Variants in AUH observed in about 807,000 individuals in gnomAD.
AUH encodes methylglutaconyl-CoA hydratase, mitochondrial.
AUH carries 29 observed loss-of-function variants against 42.3 expected under a neutral mutation model. That is an observed-to-expected ratio of 0.69 (90% CI 0.51 to 0.93). The LOEUF (loss-of-function observed/expected upper bound fraction) is 0.93. AUH is among the 40% of genes least tolerant of loss of function. The probability of loss-of-function intolerance (pLI) is 0.00; values close to 1 mark genes in which losing one functional copy is unlikely to be tolerated. For missense variants in AUH, 452 were observed against 438.1 expected (o/e 1.03, Z -0.28); for synonymous variants, 174 against 166.4 (o/e 1.05, Z -0.35).
intron 3 of AUH, among the ~76,000 whole-genome samples, chr9:91,348,754 G>A (rs1831726660): frequency 6.6e-6 from 1 of 152,152 alleles, no homozygotes; most frequent in Non-Finnish European, 1.5e-5. Context: ...GGCAAGGGAA[G>A]GGGCTTGACT....
In AUH at chr9:91,313,573, C is replaced by T. The variant is rs373027108; in HGVS notation, c.505+11745G>A. ...ACAAAAAATTAGCCGGGCGCGGTGG[C>T]GGGCGCCTGTAGTCCCAGCTACTTG... On this transcript the variant is annotated intron_variant, in intron 4 of 9. Transcript: ENST00000375731. Among the ~76,000 whole-genome samples, 108 of 151,706 alleles carry T rather than the reference C, an allele frequency of 7.1e-4. 1 individual carries two copies. The highest frequency in any genetic ancestry group is 2.1e-3 in the African/African-American group (87 of 41,442).
At chr9:91,294,005 G>A (rs373481707) in intron 6 of AUH, among the ~76,000 whole-genome samples, 1 of 152,146 alleles carries the variant, frequency 6.6e-6, no homozygotes, top group Non-Finnish European at 1.5e-5. Context: ...TTTATAAATG[G>A]AACAAATAAA....
intron 6 of AUH, among the ~76,000 whole-genome samples, chr9:91,283,790 C>A (rs1826173166): frequency 6.6e-6 from 1 of 152,152 alleles, no homozygotes; most frequent in South Asian, 2.1e-4. Flanking sequence ...GAACTACAAA[C>A]CACTGCTCAA....
intron 6 of AUH, among the ~76,000 whole-genome samples, chr9:91,249,725 G>T (rs1829017871): frequency 1.3e-5 from 2 of 152,058 alleles, no homozygotes; most frequent in Admixed American, 1.3e-4. Context: ...TAAATCAGGG[G>T]TTCTGGCCGG....
chr9:91,350,437 C>A (rs1480150736), intron 3 of AUH, among the ~76,000 whole-genome samples: 1 of 152,188 alleles, frequency 6.6e-6, no homozygotes, highest in Non-Finnish European at 1.5e-5. Flanking sequence ...TCTATAGGAA[C>A]TCTTTTAGTC....
intron 6 of AUH, among the ~76,000 whole-genome samples, chr9:91,270,608 CA>C (rs1825043094): frequency 6.6e-6 from 1 of 151,896 alleles, no homozygotes; most frequent in African/African-American, 2.4e-5. Flanking sequence ...CCTTGTAGAG[CA>C]AAAAGGGAAT....
At chr9:91,282,253 C>T (rs959956271) in intron 6 of AUH, among the ~76,000 whole-genome samples, 1 of 152,152 alleles carries the variant, frequency 6.6e-6, no homozygotes, top group Non-Finnish European at 1.5e-5. Context: ...GTCTTTATTT[C>T]AATGTTACCT....
intron 6 of AUH, among the ~76,000 whole-genome samples, chr9:91,234,608 G>A (rs1290890904): frequency 1.3e-5 from 2 of 151,656 alleles, no homozygotes; most frequent in Admixed American, 6.6e-5. Context: ...GAGTTTATCC[G>A]TTTTACTTTT....
intron 6 of AUH, among the ~76,000 whole-genome samples, chr9:91,272,818 T>C (rs1015074020): frequency 5.3e-5 from 8 of 152,122 alleles, no homozygotes; most frequent in Non-Finnish European, 1.2e-4. Context: ...TGAATATATT[T>C]CACAAACTTA....
At chr9:91,357,475 A>C in intron 1 of AUH, 1 of 965,296 alleles carries the variant, frequency 1.0e-6, no homozygotes, top group Non-Finnish European at 1.2e-6. Flanking sequence ...AAACATACTG[A>C]GTACGTACTA....
chr9:91,360,119 CCAGA>C, intron 1 of AUH, among the ~76,000 whole-genome samples: 1 of 152,106 alleles, frequency 6.6e-6, no homozygotes, highest in Admixed American at 6.5e-5. Context: ...TAAAGTCTGT[CCAGA>C]CATTCTGCAC....
intron 6 of AUH, among the ~76,000 whole-genome samples, chr9:91,237,544 T>C (rs933878331): frequency 6.6e-6 from 1 of 152,210 alleles, no homozygotes; most frequent in African/African-American, 2.4e-5. Flanking sequence ...TACAAGGTGG[T>C]TCCCTAGTAT....
intron 1 of AUH, among the ~76,000 whole-genome samples, chr9:91,356,375 T>G (rs567263932): frequency 1.3e-5 from 2 of 152,214 alleles, no homozygotes; most frequent in Non-Finnish European, 2.9e-5. Context: ...CTAGACTTAT[T>G]AGTGAAAATT....
At chr9:91,344,008 G>A (rs187466861) in intron 3 of AUH, among the ~76,000 whole-genome samples, 132 of 152,306 alleles carry the variant, frequency 8.7e-4, no homozygotes, top group African/African-American at 2.9e-3. Context: ...TTCAGGCCAT[G>A]ATGGAAAGTG....
chr9:91,306,535 G>C (rs990955178), intron 4 of AUH: 1 of 209,012 alleles, frequency 4.8e-6, no homozygotes, highest in African/African-American at 2.4e-5. Context: ...CTGTAACCTT[G>C]TTATTTAGAG....
At chr9:91,223,584 T>G (rs1827259663) in intron 6 of AUH, among the ~76,000 whole-genome samples, 1 of 152,254 alleles carries the variant, frequency 6.6e-6, no homozygotes, top group Non-Finnish European at 1.5e-5. Flanking sequence ...TTTCAATATA[T>G]ACAGCGTGGG....
rs1259184310 is a variant in AUH, at chr9:91,216,105, A to C, written c.896T>G (p.Val299Gly). ...TATGGCTAACCCTGTTACTAAATCG[A>C]CCTGAGAATAAAAACATAATCCATT... ...AKLAINQGME[V>G]DLVTGLAIEE... Residue 299 changes from valine (V) to glycine (G), a missense_variant and splice_region_variant, in exon 9 of 10, where the codon GTC becomes GGC. By Grantham distance (109) the Val-to-Gly change is moderately radical. Transcript: ENST00000375731. 1 of 1,612,604 alleles carries C rather than the reference A, an allele frequency of 6.2e-7. No individual in the cohort carries two copies. Among genetic ancestry groups the C allele is most frequent in the Middle Eastern group, 1.7e-4 (1 of 6,060 alleles).
At chr9:91,335,348 T>TG (rs35113524) in intron 3 of AUH, among the ~76,000 whole-genome samples, 99,606 of 152,076 alleles carry the variant, frequency 0.65, 35,019 homozygotes, top group East Asian at 0.95. Context: ...TTGACTTTAT[T>TG]GCACATTCTT....
intron 6 of AUH, among the ~76,000 whole-genome samples, chr9:91,225,991 A>G (rs1827443002): frequency 6.8e-6 from 1 of 147,962 alleles, no homozygotes; most frequent in African/African-American, 2.5e-5. Context: ...TGCTATTGTG[A>G]ATAATGCCGC....
Sources: gnomAD v4.1 joint callset for allele counts (sites outside exome capture counted in the v4.1 genomes callset) on GRCh38, gnomAD v4.1.1 for gene constraint, MANE v1.5 for transcripts, NCBI Gene and HGNC (gene_info 2026-07-23, HGNC 2026-07-21) for gene names.